EVI5: variants seen among roughly 807,000 people sequenced by gnomAD.
EVI5 encodes ecotropic viral integration site 5 protein homolog.
A neutral mutation model predicts 112.0 loss-of-function variants in EVI5; 73 were observed. That is an observed-to-expected ratio of 0.65 (90% CI 0.54 to 0.79). The LOEUF (loss-of-function observed/expected upper bound fraction) is 0.79, where lower values mean the gene tolerates loss of function less well. Ranked by LOEUF, EVI5 falls within the 30% of genes least tolerant of loss-of-function variation. The pLI is 0.00. For synonymous variants in EVI5, 305 were observed against 319.9 expected (o/e 0.95, Z 0.50); for missense variants, 900 against 968.8 (o/e 0.93, Z 0.94).
intron 1 of EVI5, among the ~76,000 whole-genome samples, chr1:92,772,906 TA>T (rs529315237): frequency 4.3e-4 from 47 of 109,698 alleles, no homozygotes; most frequent in Non-Finnish European, 4.9e-4. Context: ...AACCCCATCT[TA>T]AAAAAAAAAA....
upstream of EVI5, among the ~76,000 whole-genome samples, chr1:92,787,047 C>A (rs954849928): frequency 6.6e-6 from 1 of 152,124 alleles, no homozygotes; most frequent in Non-Finnish European, 1.5e-5. Context: ...CCTTTCACAT[C>A]GCATGAAACT....
intron 19 of EVI5, among the ~76,000 whole-genome samples, chr1:92,547,585 T>C (rs1256912570): frequency 7.9e-5 from 12 of 151,222 alleles, no homozygotes; most frequent in Non-Finnish European, 1.5e-4. Flanking sequence ...ATCAACAAAA[T>C]AGATAGACCG....
intron 11 of EVI5, among the ~76,000 whole-genome samples, chr1:92,665,365 A>G (rs1664723810): frequency 6.6e-6 from 1 of 152,246 alleles, no homozygotes; most frequent in African/African-American, 2.4e-5. Flanking sequence ...AAAGCACACT[A>G]TGAAAAATAA....
chr1:92,517,288 A>ATTTACATTG (rs1660071336), intron 19 of EVI5, among the ~76,000 whole-genome samples: 1 of 152,238 alleles, frequency 6.6e-6, no homozygotes, highest in Admixed American at 6.5e-5. Context: ...AGTAATCTAG[A>ATTTACATTG]GATGACTCAA....
intron 19 of EVI5, among the ~76,000 whole-genome samples, chr1:92,547,839 A>G (rs903635764): frequency 6.6e-6 from 1 of 152,220 alleles, no homozygotes; most frequent in African/African-American, 2.4e-5. Flanking sequence ...AGGCTCTGAA[A>G]TTGAGGCAAT....
intron 10 of EVI5, among the ~76,000 whole-genome samples, chr1:92,670,123 A>G (rs1488690838): frequency 6.6e-6 from 1 of 152,218 alleles, no homozygotes; most frequent in Non-Finnish European, 1.5e-5. Flanking sequence ...TAAAATGCTA[A>G]TATCTTGTAA....
At chr1:92,734,076 G>A (rs1204680883) in intron 2 of EVI5, among the ~76,000 whole-genome samples, 4 of 152,144 alleles carry the variant, frequency 2.6e-5, no homozygotes, top group African/African-American at 4.8e-5. Context: ...GTATAGCCTC[G>A]CTGTCTACCT....
At chr1:92,744,600 TCACACA>T (rs961223051) in intron 1 of EVI5, among the ~76,000 whole-genome samples, 225 of 28,038 alleles carry the variant, frequency 8.0e-3, no homozygotes, top group South Asian at 8.8e-3. Flanking sequence ...TCTCTCTCTC[TCACACA>T]CACACACACA....
intron 1 of EVI5, chr1:92,756,842 G>A (rs1000715740): frequency 2.0e-6 from 1 of 496,002 alleles, no homozygotes; most frequent in Non-Finnish European, 4.1e-6. Flanking sequence ...ACTGGTATTG[G>A]GCTGTCCCTC....
chr1:92,610,912 A>C (rs1651615635), intron 16 of EVI5, among the ~76,000 whole-genome samples: 1 of 148,972 alleles, frequency 6.7e-6, no homozygotes, highest in African/African-American at 2.5e-5. Context: ...TCACATGGAC[A>C]TAGGAAGGGG....
Position 92,688,231 on chromosome 1 carries a change from C to T in EVI5, c.1097+5571G>A, listed in dbSNP as rs544068700. 2.0e-5 allele frequency among the ~76,000 whole-genome samples: 3 copies of T among 152,222 alleles called. No individual in the cohort carries two copies. The South Asian group carries it at 6.2e-4, about 32-fold the overall frequency. ...AAAAAGGATGGGTTCATGTCCTTTG[C>T]AGGGACATGGATGAAGCTGGAAACC... On this transcript the variant is annotated intron_variant, in intron 9 of 19. Transcript: ENST00000684568.
intron 4 of EVI5, among the ~76,000 whole-genome samples, chr1:92,703,140 C>T (rs867666960): frequency 6.6e-6 from 1 of 152,030 alleles, no homozygotes; most frequent in South Asian, 2.1e-4. Context: ...CATGAGGATC[C>T]CTCTATGATA....
chr1:92,609,556 T>A (rs1391176133), intron 16 of EVI5, among the ~76,000 whole-genome samples: 2 of 151,886 alleles, frequency 1.3e-5, no homozygotes, highest in East Asian at 1.9e-4. Context: ...CAGGGTTTCA[T>A]CATGTTGGCC....
intron 11 of EVI5, among the ~76,000 whole-genome samples, chr1:92,664,018 G>GA (rs1157752531): frequency 2.6e-5 from 4 of 152,176 alleles, no homozygotes; most frequent in Admixed American, 2.6e-4. Flanking sequence ...GAAGTGCGGG[G>GA]ATCATAGGCG....
rs1273427133 is a variant in EVI5, at chr1:92,559,606, T to C, written c.2166+4036A>G. On this transcript the variant is annotated intron_variant, in intron 19 of 19. Coordinates refer to ENST00000684568, the MANE Select transcript of EVI5 (RefSeq NM_001350197.2). ...GGTCAACATGGTGAAACTCCGTCTCTACTAAAAAAATGCAAAAATTAGCCA... is the reference window on the plus strand; with the variant it reads ...GGTCAACATGGTGAAACTCCGTCTCCACTAAAAAAATGCAAAAATTAGCCA... Among the ~76,000 whole-genome samples, 3 of 151,676 alleles carry C rather than the reference T, an allele frequency of 2.0e-5. No individual in the cohort carries two copies. The East Asian group carries it at 5.8e-4, about 29-fold the overall frequency.
At chr1:92,613,833 C>A (rs1205064484) in intron 16 of EVI5, among the ~76,000 whole-genome samples, 1 of 152,172 alleles carries the variant, frequency 6.6e-6, no homozygotes, top group Non-Finnish European at 1.5e-5. Context: ...TCAAGTGATC[C>A]TCCTGCCTGG....
At chr1:92,605,973 T>C (rs1341206383) in intron 17 of EVI5, among the ~76,000 whole-genome samples, 2 of 152,162 alleles carry the variant, frequency 1.3e-5, no homozygotes, top group Admixed American at 6.6e-5. Flanking sequence ...GGGTAAAACA[T>C]ACACATTTAA....
At chr1:92,583,194 A>G (rs1006755683) in intron 18 of EVI5, among the ~76,000 whole-genome samples, 2 of 152,108 alleles carry the variant, frequency 1.3e-5, no homozygotes, top group African/African-American at 4.8e-5. Flanking sequence ...ATGGGTAGTT[A>G]CTATTTTTTC....
rs987760434 is a variant in EVI5 at position 92,663,554 on chromosome 1, T to C, written c.1213-102A>G. On this transcript the variant is annotated intron_variant, in intron 11 of 19. Coordinates refer to ENST00000684568, the MANE Select transcript of EVI5 (RefSeq NM_001350197.2). ...ATACCCAAATTCCATCTACTTTTCA[T>C]TGCTAATTAAAATGGACATTTAAAG... The C allele has an allele frequency of 3.2e-5, 17 of 534,494 alleles. No homozygotes were observed. In the Admixed American group the frequency reaches 3.8e-4, roughly 12 times the overall value. 33.1% of individuals were successfully genotyped at this position (534,494 alleles called of 1,614,324 possible).
Sources: allele counts gnomAD v4.1 joint callset (sites outside exome capture counted in the v4.1 genomes callset), GRCh38; gene constraint gnomAD v4.1.1; transcripts MANE v1.5; gene names NCBI Gene and HGNC (gene_info 2026-07-23, HGNC 2026-07-21).